TNFRSF21: variants seen among roughly 807,000 people sequenced by gnomAD.
TNFRSF21 encodes tumor necrosis factor receptor superfamily member 21.
A neutral mutation model predicts 45.6 loss-of-function variants in TNFRSF21; 19 were observed. That is an observed-to-expected ratio of 0.42 (90% CI 0.29 to 0.61). The LOEUF (loss-of-function observed/expected upper bound fraction) is 0.61, where lower values mean the gene tolerates loss of function less well. TNFRSF21 is among the 20% of genes least tolerant of loss of function. The pLI is 0.23. For missense variants in TNFRSF21, 737 were observed against 851.5 expected (o/e 0.87, Z 1.67); for synonymous variants, 314 against 335.5 (o/e 0.94, Z 0.70).
Position 47,275,261 on chromosome 6 carries a change from T to C in TNFRSF21, c.1243+8677A>G, listed in dbSNP as rs555572179. Among the ~76,000 whole-genome samples the C allele has an allele frequency of 2.0e-5, 3 of 152,192 alleles. No individual in the cohort carries two copies. The South Asian group carries it at 6.2e-4, about 32-fold the overall frequency. ...CAAAGACCTGGAAAAAACCCAAATGTCCATCAATGATAGACTGGATTAAAA... is the reference window on the plus strand; with the variant it reads ...CAAAGACCTGGAAAAAACCCAAATGCCCATCAATGATAGACTGGATTAAAA... On this transcript the variant is annotated intron_variant, in intron 3 of 5. Transcript: ENST00000296861.
Position 47,256,303 on chromosome 6 carries a change from C to T in TNFRSF21, c.1244-2782G>A, listed in dbSNP as rs573538989. ...CTTTGGGAGGTTGAGGCAGGTGGAT[C>T]GCTTGAGTCCAGGAGTTTGAGACCA... On this transcript the variant is annotated intron_variant, in intron 3 of 5. Coordinates refer to ENST00000296861, the MANE Select transcript of TNFRSF21 (RefSeq NM_014452.5). 5.3e-5 allele frequency among the ~76,000 whole-genome samples: 8 copies of T among 152,294 alleles called. No individual in the cohort carries two copies. The East Asian group carries it at 7.7e-4, about 15-fold the overall frequency.
In TNFRSF21 at chr6:47,253,389, G is replaced by A; in HGVS notation, c.1376C>T (p.Ala459Val). The change falls in exon 4 of 6, where the codon GCC becomes GTC. Residue 459 changes from alanine to valine, a missense_variant. Ala to Val is a moderately conservative substitution (Grantham distance 64). Transcript: ENST00000296861. ...SNGYTADHER[A>V]YAALQHWTIR... ...GGTCCAGTGCTGCAGAGCTGCGTAG[G>A]CCCGCTCGTGGTCGGCTGTGTACCC... 6.2e-7 allele frequency: 1 copy of A among 1,614,164 alleles called. No homozygotes were observed. Among genetic ancestry groups the A allele is most frequent in the Non-Finnish European group, 8.5e-7 (1 of 1,180,046 alleles).
At chr6:47,305,247 T>A (rs1189919786) in intron 1 of TNFRSF21, among the ~76,000 whole-genome samples, 5 of 152,172 alleles carry the variant, frequency 3.3e-5, no homozygotes, top group African/African-American at 1.2e-4. Context: ...TCCCAATTCA[T>A]CCCTGGGTTC....
At chr6:47,282,549 G>T (rs547506962) in intron 3 of TNFRSF21, among the ~76,000 whole-genome samples, 15 of 152,192 alleles carry the variant, frequency 9.9e-5, no homozygotes, top group Non-Finnish European at 1.9e-4. Context: ...TTTTCTAAAC[G>T]TTTCGTTATA....
intron 3 of TNFRSF21, among the ~76,000 whole-genome samples, chr6:47,270,350 C>T (rs1458300739): frequency 6.6e-6 from 1 of 152,206 alleles, no homozygotes; most frequent in African/African-American, 2.4e-5. Flanking sequence ...GCAACATCCA[C>T]TGGTGATACC....
At chr6:47,292,081 A>T (rs1762736544) in intron 1 of TNFRSF21, among the ~76,000 whole-genome samples, 1 of 152,172 alleles carries the variant, frequency 6.6e-6, no homozygotes, top group Non-Finnish European at 1.5e-5. Flanking sequence ...TCTGGGAGTG[A>T]AACAATGAGT....
chr6:47,291,943 A>C (rs1009136900), intron 1 of TNFRSF21, among the ~76,000 whole-genome samples: 4 of 152,202 alleles, frequency 2.6e-5, no homozygotes, highest in Admixed American at 6.5e-5. Context: ...GGCACCTGAG[A>C]AAATCCATTT....
At chr6:47,298,146 T>G in intron 1 of TNFRSF21, among the ~76,000 whole-genome samples, 1 of 152,078 alleles carries the variant, frequency 6.6e-6, no homozygotes, top group South Asian at 2.1e-4. Flanking sequence ...TGAGTTTCCC[T>G]GATCTAGTCC....
At chr6:47,293,911 T>C (rs1443278200) in intron 1 of TNFRSF21, among the ~76,000 whole-genome samples, 6 of 152,188 alleles carry the variant, frequency 3.9e-5, no homozygotes, top group Non-Finnish European at 8.8e-5. Context: ...ATTTACCCAT[T>C]TTTCTGTTTA....
At chr6:47,255,613 C>G (rs1037693482) in intron 3 of TNFRSF21, among the ~76,000 whole-genome samples, 1 of 152,132 alleles carries the variant, frequency 6.6e-6, no homozygotes, top group African/African-American at 2.4e-5. Context: ...AGACACCCAC[C>G]ACCACACCCA....
intron 4 of TNFRSF21, among the ~76,000 whole-genome samples, chr6:47,248,909 T>A (rs1452516499): frequency 2.6e-5 from 4 of 152,216 alleles, no homozygotes; most frequent in Non-Finnish European, 5.9e-5. Context: ...ATGCTTACAG[T>A]GGGTCACACT....
intron 4 of TNFRSF21, among the ~76,000 whole-genome samples, chr6:47,251,096 C>G (rs1013419555): frequency 5.3e-5 from 8 of 152,082 alleles, no homozygotes; most frequent in African/African-American, 1.7e-4. Flanking sequence ...AATCCAAAAT[C>G]TAAAACACTT....
chr6:47,253,152 ATCC>A (rs1230820078), intron 4 of TNFRSF21, 101 bp downstream of exon 4: 1 of 1,341,258 alleles, frequency 7.5e-7, no homozygotes, highest in Non-Finnish European at 1.0e-6. Flanking sequence ...GTGTGTGCCT[ATCC>A]ACCGAATATG....
At chr6:47,250,621 A>G (rs1279782203) in intron 4 of TNFRSF21, among the ~76,000 whole-genome samples, 1 of 152,238 alleles carries the variant, frequency 6.6e-6, no homozygotes, top group Non-Finnish European at 1.5e-5. Flanking sequence ...GAAAAAAAAT[A>G]GTCATTTTTA....
At chr6:47,262,543 TTAGA>T (rs760304176) in intron 3 of TNFRSF21, among the ~76,000 whole-genome samples, 1 of 152,126 alleles carries the variant, frequency 6.6e-6, no homozygotes, top group East Asian at 1.9e-4. Context: ...ATAAACTGTG[TTAGA>T]TAGGGAGGAG....
chr6:47,280,824 G>A (rs1225477210), intron 3 of TNFRSF21, among the ~76,000 whole-genome samples: 1 of 152,160 alleles, frequency 6.6e-6, no homozygotes, highest in African/African-American at 2.4e-5. Flanking sequence ...AAACCAGACT[G>A]CAAAAGAGAG....
At chr6:47,263,497 G>A (rs1244961215) in intron 3 of TNFRSF21, among the ~76,000 whole-genome samples, 1 of 152,134 alleles carries the variant, frequency 6.6e-6, no homozygotes, top group Admixed American at 6.5e-5. Flanking sequence ...CTGTTTAGAG[G>A]TCAGGAAAAT....
chr6:47,288,904 A>G (rs1270391480), intron 1 of TNFRSF21, among the ~76,000 whole-genome samples: 2 of 152,242 alleles, frequency 1.3e-5, no homozygotes, highest in African/African-American at 4.8e-5. Flanking sequence ...TTTGAAGACC[A>G]TAGCTACGAA....
At chr6:47,244,607 C>T (rs868207150) in intron 4 of TNFRSF21, among the ~76,000 whole-genome samples, 9 of 152,096 alleles carry the variant, frequency 5.9e-5, no homozygotes, top group African/African-American at 1.9e-4. Flanking sequence ...ACATTTCCCC[C>T]AAGTTTTTTT....
Sources: gnomAD v4.1 joint callset for allele counts (sites outside exome capture counted in the v4.1 genomes callset) on GRCh38, gnomAD v4.1.1 for gene constraint, MANE v1.5 for transcripts, NCBI Gene and HGNC (gene_info 2026-07-23, HGNC 2026-07-21) for gene names.